Variants in SPECC1 observed in about 807,000 individuals in gnomAD.
SPECC1 encodes the protein cytospin-B.
A neutral mutation model predicts 104.1 loss-of-function variants in SPECC1; 62 were observed. That is an observed-to-expected ratio of 0.60 (90% CI 0.49 to 0.74). SPECC1 has a LOEUF of 0.74. SPECC1 is among the 30% of genes least tolerant of loss of function. SPECC1 has a pLI of 0.00. For missense variants in SPECC1, 1,306 were observed against 1,310.5 expected, an observed-to-expected ratio of 1.00 and a Z score of 0.05; for synonymous variants, 513 against 501.6, an observed-to-expected ratio of 1.02 and a Z score of -0.30.
chr17:20,194,325 C>A (rs1210878993), intron 3 of SPECC1, among the ~76,000 whole-genome samples: 1 of 150,246 alleles, frequency 6.7e-6, no homozygotes, highest in Non-Finnish European at 1.5e-5. Flanking sequence ...TTACTTACCC[C>A]AAGTCAGAAA....
intron 3 of SPECC1, among the ~76,000 whole-genome samples, chr17:20,148,562 A>T (rs2031686217): frequency 6.7e-6 from 1 of 148,708 alleles, no homozygotes; most frequent in Non-Finnish European, 1.5e-5. Flanking sequence ...AAAAAAGGAC[A>T]AGCAATAAAA....
intron 3 of SPECC1, among the ~76,000 whole-genome samples, chr17:20,132,017 T>C (rs1009351524): frequency 1.3e-5 from 2 of 152,224 alleles, no homozygotes; most frequent in African/African-American, 4.8e-5. Context: ...AGATGCTCTT[T>C]AGCAAGTTGA....
intron 4 of SPECC1, among the ~76,000 whole-genome samples, chr17:20,209,549 TTTTTTCTTCTCATTTC>T (rs1706455072): frequency 2.5e-5 from 2 of 81,326 alleles, no homozygotes; most frequent in African/African-American, 2.0e-4. Flanking sequence ...CTTGTAGGCT[TTTTTTCTTCTCATTTC>T]TTTTTCTTCA....
At chr17:20,054,808 A>C (rs892171413) in intron 1 of SPECC1, among the ~76,000 whole-genome samples, 2 of 151,936 alleles carry the variant, frequency 1.3e-5, no homozygotes, top group Non-Finnish European at 2.9e-5. Flanking sequence ...GTGCACCTCC[A>C]CAGCTGGCTA....
intron 3 of SPECC1, among the ~76,000 whole-genome samples, chr17:20,156,626 C>G (rs1215362822): frequency 6.6e-6 from 1 of 152,072 alleles, no homozygotes; most frequent in Non-Finnish European, 1.5e-5. Flanking sequence ...CCGCCGGCCC[C>G]GCAGTTTGTG....
intron 3 of SPECC1, among the ~76,000 whole-genome samples, chr17:20,123,040 G>A (rs1025777833): frequency 2.0e-5 from 3 of 152,184 alleles, no homozygotes; most frequent in Admixed American, 6.5e-5. Flanking sequence ...TGTAAAGTTG[G>A]TGTAGGGTAA....
At chr17:20,165,946 T>C (rs2033612131) in intron 3 of SPECC1, among the ~76,000 whole-genome samples, 1 of 152,216 alleles carries the variant, frequency 6.6e-6, no homozygotes, top group South Asian at 2.1e-4. Flanking sequence ...TATTAGACTT[T>C]TGTCAGATGG....
intron 10 of SPECC1, among the ~76,000 whole-genome samples, chr17:20,256,861 A>G (rs1218386631): frequency 6.6e-6 from 1 of 152,224 alleles, no homozygotes; most frequent in African/African-American, 2.4e-5. Context: ...AGAGAAAAAG[A>G]AAAACAAGTA....
chr17:20,031,153 C>A (rs1479873026), intron 1 of SPECC1, among the ~76,000 whole-genome samples: 2 of 152,040 alleles, frequency 1.3e-5, no homozygotes, highest in Non-Finnish European at 2.9e-5. Context: ...TGCCACCATG[C>A]CTGGCTAATT....
intron 1 of SPECC1, chr17:20,073,581 C>T (rs1402075954): frequency 6.6e-6 from 1 of 152,184 alleles, no homozygotes; most frequent in Non-Finnish European, 1.5e-5. Context: ...CAAGCGCTCT[C>T]TGCCCGGCCC....
chr17:20,148,269 T>G (rs1318724729), intron 3 of SPECC1, among the ~76,000 whole-genome samples: 2 of 152,160 alleles, frequency 1.3e-5, no homozygotes, highest in African/African-American at 2.4e-5. Context: ...AGATAGGGTC[T>G]CACTCTGTGG....
At chr17:20,231,026 AG>A (rs2038540055) in intron 5 of SPECC1, among the ~76,000 whole-genome samples, 1 of 152,222 alleles carries the variant, frequency 6.6e-6, no homozygotes, top group South Asian at 2.1e-4. Context: ...GGACCTATTG[AG>A]GAATTTCAGC....
intron 3 of SPECC1, among the ~76,000 whole-genome samples, chr17:20,122,917 A>C (rs1421163274): frequency 1.3e-5 from 2 of 152,194 alleles, no homozygotes; most frequent in East Asian, 3.8e-4. Flanking sequence ...CCTTTTGGCT[A>C]TTGTGAATAA....
intron 13 of SPECC1, among the ~76,000 whole-genome samples, chr17:20,303,787 T>C (rs1320982488): frequency 6.6e-6 from 1 of 151,940 alleles, no homozygotes; most frequent in Non-Finnish European, 1.5e-5. Context: ...AACCTGTCTC[T>C]ACTAAAAATA....
chr17:20,193,119 G>A (rs925593492), intron 3 of SPECC1, among the ~76,000 whole-genome samples: 4 of 152,184 alleles, frequency 2.6e-5, no homozygotes, highest in Admixed American at 6.5e-5. Context: ...ACCATATAGG[G>A]TAATTTCCTG....
In SPECC1 at chr17:20,296,950, C is replaced by G. The variant is rs746993181; in HGVS notation, c.2941-11C>G. The G allele has an allele frequency of 6.2e-7, 1 of 1,613,300 alleles. No homozygotes were observed. The highest frequency in any genetic ancestry group is 2.2e-5 in the East Asian group (1 of 44,874). ...ATAGTTCTTGTTTATTACTACTTTT[C>G]TCTCCTGCAGAACATTGACATCACC... On this transcript the variant is annotated splice_polypyrimidine_tract_variant and intron_variant, in intron 12 of 14. Coordinates refer to ENST00000395527, the MANE Select transcript of SPECC1 (RefSeq NM_001243439.2).
intron 10 of SPECC1, among the ~76,000 whole-genome samples, chr17:20,254,999 C>G (rs376178435): frequency 6.6e-6 from 1 of 152,168 alleles, no homozygotes; most frequent in East Asian, 1.9e-4. Context: ...TCAAGCCCTA[C>G]AGAAATTGAG....
chr17:20,205,208 A>C lies in SPECC1; in HGVS notation c.1159A>C (p.Thr387Pro), dbSNP rs897892462. 9 of 1,614,164 alleles carry C rather than the reference A, an allele frequency of 5.6e-6. No individual in the cohort carries two copies. The highest frequency in any genetic ancestry group is 6.8e-6 in the Non-Finnish European group (8 of 1,180,036). Residue 387 changes from threonine (T) to proline (P), a missense_variant, in exon 4 of 15, where the codon ACT becomes CCT. Physicochemically the swap from Thr to Pro is conservative, Grantham distance 38. Coordinates refer to ENST00000395527, the MANE Select transcript of SPECC1 (RefSeq NM_001243439.2). The stretch of plus-strand genomic sequence containing the variant: ...AAAGATGGAAGAAAACCACCATAGC[A>C]CTGCAGAAGAACTACAGGCTACTCT... ...IQKMEENHHSTAEELQATLQE... is the reference protein window; with the variant it reads ...IQKMEENHHSPAEELQATLQE...
chr17:20,086,011 T>C (rs894546245), intron 1 of SPECC1, among the ~76,000 whole-genome samples: 1 of 152,228 alleles, frequency 6.6e-6, no homozygotes, highest in African/African-American at 2.4e-5. Flanking sequence ...GTGAAGCAAA[T>C]GAATAGGCCT....
Sources: allele counts gnomAD v4.1 joint callset (sites outside exome capture counted in the v4.1 genomes callset), GRCh38; gene constraint gnomAD v4.1.1; transcripts MANE v1.5; gene names NCBI Gene and HGNC (gene_info 2026-07-23, HGNC 2026-07-21).